Variants in PLCH1 observed in about 807,000 individuals in gnomAD.
The protein encoded by PLCH1 is phospholipase C eta 1.
A neutral mutation model predicts 126.7 loss-of-function variants in PLCH1; 60 were observed. That is an observed-to-expected ratio of 0.47 (90% CI 0.38 to 0.59). The LOEUF is 0.59. PLCH1 is among the 20% of genes least tolerant of loss of function. PLCH1 has a pLI of 0.00. For missense variants in PLCH1, 1,723 were observed against 2,040.0 expected, an observed-to-expected ratio of 0.84 and a Z score of 2.99; for synonymous variants, 719 against 734.9, an observed-to-expected ratio of 0.98 and a Z score of 0.35.
intron 2 of PLCH1, among the ~76,000 whole-genome samples, chr3:155,619,354 G>A (rs151111075): frequency 1.3e-5 from 2 of 152,010 alleles, no homozygotes; most frequent in Admixed American, 1.3e-4. Flanking sequence ...TACCTCCTTT[G>A]TTCAACTGCA....
chr3:155,612,999 TC>T (rs1735333479), intron 2 of PLCH1, among the ~76,000 whole-genome samples: 1 of 144,046 alleles, frequency 6.9e-6, no homozygotes, highest in Non-Finnish European at 1.5e-5. Context: ...ATACAAAAGA[TC>T]ATTCAAGGTT....
At chr3:155,592,218 C>T (rs1732280816) in intron 4 of PLCH1, among the ~76,000 whole-genome samples, 1 of 147,348 alleles carries the variant, frequency 6.8e-6, no homozygotes, top group Non-Finnish European at 1.5e-5. Context: ...AGCCTGGTGG[C>T]TTACGCCTGT....
rs138686862 is a variant in PLCH1, at chr3:155,623,551, C to T, written c.80-27173G>A. On this transcript the variant is annotated intron_variant, in intron 2 of 22. Coordinates refer to ENST00000460012, the MANE Select transcript of PLCH1 (RefSeq NM_014996.4). ...AGAAAAGAAAGAAGAATCAAATAGA[C>T]GTAATAAAAAATGATAAAGGGGAGA... is the stretch of plus-strand genomic sequence containing the variant. 6.9e-4 allele frequency among the ~76,000 whole-genome samples: 105 copies of T among 152,006 alleles called. No homozygotes were observed. The East Asian group carries it at 0.015, about 22-fold the overall frequency.
At chr3:155,518,453 G>A (rs1374622161) in intron 11 of PLCH1, among the ~76,000 whole-genome samples, 1 of 152,138 alleles carries the variant, frequency 6.6e-6, no homozygotes, top group African/African-American at 2.4e-5. Context: ...ATTCAAGACT[G>A]TGGCTATTTT....
At chr3:155,740,762 C>T (rs1044134697) in intron 1 of PLCH1, among the ~76,000 whole-genome samples, 1 of 152,180 alleles carries the variant, frequency 6.6e-6, no homozygotes, top group Non-Finnish European at 1.5e-5. Flanking sequence ...CTGAAAACAA[C>T]AAGATCATTA....
chr3:155,630,055 C>T (rs911062390), intron 2 of PLCH1, among the ~76,000 whole-genome samples: 2 of 152,150 alleles, frequency 1.3e-5, no homozygotes, highest in Admixed American at 6.5e-5. Flanking sequence ...ATGTAAGCTC[C>T]GTAAGGACAG....
At chr3:155,495,729 T>C (rs147901887) in intron 15 of PLCH1, among the ~76,000 whole-genome samples, 1 of 152,314 alleles carries the variant, frequency 6.6e-6, no homozygotes, top group African/African-American at 2.4e-5. Context: ...CTGACAATGA[T>C]ACTCCCGAGT....
At chr3:155,679,869 C>T (rs1430505320) in intron 2 of PLCH1, among the ~76,000 whole-genome samples, 4 of 152,154 alleles carry the variant, frequency 2.6e-5, no homozygotes, top group Non-Finnish European at 5.9e-5. Context: ...CAAGATCACA[C>T]GGCTGTGATG....
At chr3:155,672,725 CTAATT>C (rs1439282773) in intron 2 of PLCH1, among the ~76,000 whole-genome samples, 1 of 152,166 alleles carries the variant, frequency 6.6e-6, no homozygotes, top group Non-Finnish European at 1.5e-5. Context: ...TTTCTTGTAA[CTAATT>C]TATCCCAAAT....
At chr3:155,475,589 G>C (rs1040464753), downstream of PLCH1, among the ~76,000 whole-genome samples, 2 of 151,996 alleles carry the variant, frequency 1.3e-5, no homozygotes, top group African/African-American at 4.8e-5. Context: ...AGAAAAAAGA[G>C]AGAAGATCCA....
At chr3:155,451,515 A>G (rs1560025489) in intron 21 of PLCH1, among the ~76,000 whole-genome samples, 1 of 152,144 alleles carries the variant, frequency 6.6e-6, no homozygotes, top group Non-Finnish European at 1.5e-5. Context: ...TATTTAGCTA[A>G]ACATTACTTA....
intron 6 of PLCH1, among the ~76,000 whole-genome samples, chr3:155,574,471 T>C (rs948919853): frequency 3.9e-5 from 6 of 152,254 alleles, no homozygotes; most frequent in African/African-American, 1.4e-4. Context: ...ATTTCAGTGC[T>C]CTGGGGTCTC....
At chr3:155,561,703 C>A (rs1390433186) in intron 8 of PLCH1, among the ~76,000 whole-genome samples, 1 of 152,056 alleles carries the variant, frequency 6.6e-6, no homozygotes, top group Non-Finnish European at 1.5e-5. Context: ...CCTGAGGAAT[C>A]GCCACACTGA....
intron 1 of PLCH1, among the ~76,000 whole-genome samples, chr3:155,710,996 T>G (rs1747088184): frequency 6.9e-6 from 1 of 145,884 alleles, no homozygotes. Flanking sequence ...TTAACACAAA[T>G]TAGATATTAT....
chr3:155,461,954 A>G (rs1429049923), intron 21 of PLCH1, among the ~76,000 whole-genome samples: 1 of 152,144 alleles, frequency 6.6e-6, no homozygotes, highest in Non-Finnish European at 1.5e-5. Context: ...TGGAACTAGG[A>G]CCACCCTTCT....
chr3:155,583,289 T>C (rs1165841654), intron 6 of PLCH1, among the ~76,000 whole-genome samples, 183 bp downstream of exon 6: 2 of 152,144 alleles, frequency 1.3e-5, no homozygotes, highest in African/African-American at 4.8e-5. Context: ...GTTCAAGTTA[T>C]CACTTCCTGT....
At chr3:155,623,323 C>T (rs1033638627) in intron 2 of PLCH1, among the ~76,000 whole-genome samples, 2 of 152,060 alleles carry the variant, frequency 1.3e-5, no homozygotes. Flanking sequence ...AAAATCGATA[C>T]CCTAACATCA....
At chr3:155,725,223 T>C (rs573557399) in intron 1 of PLCH1, among the ~76,000 whole-genome samples, 5 of 152,284 alleles carry the variant, frequency 3.3e-5, no homozygotes, top group Admixed American at 1.3e-4. Context: ...GTTAATCTGA[T>C]AGGCTTTTCT....
At chr3:155,659,962 A>G (rs1741938933) in intron 2 of PLCH1, among the ~76,000 whole-genome samples, 1 of 152,174 alleles carries the variant, frequency 6.6e-6, no homozygotes, top group Admixed American at 6.5e-5. Context: ...ATTTCCTAAC[A>G]TCAGTCGATC....
Sources: allele counts gnomAD v4.1 joint callset (sites outside exome capture counted in the v4.1 genomes callset), GRCh38; gene constraint gnomAD v4.1.1; transcripts MANE v1.5; gene names NCBI Gene and HGNC (gene_info 2026-07-23, HGNC 2026-07-21).